PXDNL: variants seen among roughly 807,000 people sequenced by gnomAD.
PXDNL encodes the protein peroxidasin like, also known as probable oxidoreductase PXDNL.
In PXDNL, 145 loss-of-function variants were observed where a neutral mutation model predicts 150.8. The ratio of observed to expected loss-of-function variants is 0.96; its 90% CI spans 0.84 to 1.10. The LOEUF (loss-of-function observed/expected upper bound fraction) is 1.10, where lower values mean the gene tolerates loss of function less well. Among genes scored for constraint, PXDNL ranks in the 50% least tolerant of loss-of-function variants. The probability of loss-of-function intolerance (pLI) is 0.00; values close to 1 mark genes in which losing one functional copy is unlikely to be tolerated. For missense variants in PXDNL, 2,087 were observed against 1,873.9 expected, an observed-to-expected ratio of 1.11 and a Z score of -2.10; for synonymous variants, 757 against 725.7, an observed-to-expected ratio of 1.04 and a Z score of -0.69.
chr8:51,573,199 A>T (rs1321369233), intron 3 of PXDNL, among the ~76,000 whole-genome samples: 1 of 151,988 alleles, frequency 6.6e-6, no homozygotes, highest in Non-Finnish European at 1.5e-5. Flanking sequence ...TCAACTGGGG[A>T]TCCTAGATCC....
At chr8:51,390,720 A>T (rs1043532609) in intron 17 of PXDNL, among the ~76,000 whole-genome samples, 4 of 152,044 alleles carry the variant, frequency 2.6e-5, no homozygotes, top group African/African-American at 9.7e-5. Context: ...ACTAAATGGC[A>T]TAAAGCACAG....
intron 2 of PXDNL, among the ~76,000 whole-genome samples, chr8:51,638,016 T>C (rs1814645778): frequency 6.6e-6 from 1 of 152,210 alleles, no homozygotes; most frequent in Admixed American, 6.5e-5. Flanking sequence ...GCAGAAACTC[T>C]ACAAGCCAGA....
intron 1 of PXDNL, among the ~76,000 whole-genome samples, chr8:51,723,799 G>A (rs559208981): frequency 1.3e-5 from 2 of 152,208 alleles, no homozygotes; most frequent in South Asian, 2.1e-4. Flanking sequence ...GAGGGGGCGC[G>A]GTCAGGCTTG....
intron 19 of PXDNL, among the ~76,000 whole-genome samples, chr8:51,370,799 GT>G (rs1807084520): frequency 1.3e-5 from 2 of 152,236 alleles, no homozygotes; most frequent in African/African-American, 4.8e-5. Flanking sequence ...GTTTCGCCAT[GT>G]TGGCCAGGCT....
At chr8:51,570,178 A>G (rs1812904353) in intron 3 of PXDNL, among the ~76,000 whole-genome samples, 1 of 151,946 alleles carries the variant, frequency 6.6e-6, no homozygotes, top group South Asian at 2.1e-4. Context: ...GAAGAAATCC[A>G]TCATTTTCCC....
At chr8:51,646,520 C>T (rs1335911412) in intron 2 of PXDNL, among the ~76,000 whole-genome samples, 3 of 152,158 alleles carry the variant, frequency 2.0e-5, no homozygotes, top group Non-Finnish European at 4.4e-5. Context: ...AAAACAAGCA[C>T]TGAAGAATAC....
At chr8:51,748,412 C>G (rs1359853428) in intron 1 of PXDNL, among the ~76,000 whole-genome samples, 1 of 152,108 alleles carries the variant, frequency 6.6e-6, no homozygotes, top group Non-Finnish European at 1.5e-5. Flanking sequence ...AGAGGGAGAG[C>G]TGGGATTGCT....
At chr8:51,403,123 A>C (rs145793370) in intron 17 of PXDNL, among the ~76,000 whole-genome samples, 2,041 of 152,036 alleles carry the variant, frequency 0.013, 38 homozygotes, top group African/African-American at 0.046. Flanking sequence ...AAAGAAAAAA[A>C]AAGAAACAGT....
intron 1 of PXDNL, among the ~76,000 whole-genome samples, chr8:51,733,278 G>A (rs182447799): frequency 1.1e-4 from 17 of 152,270 alleles, no homozygotes; most frequent in Non-Finnish European, 1.5e-4. Flanking sequence ...ATTTTCCTCC[G>A]TCTTCCCTCA....
chr8:51,606,992 G>T (rs1813849317), intron 2 of PXDNL, among the ~76,000 whole-genome samples: 1 of 152,030 alleles, frequency 6.6e-6, no homozygotes, highest in Admixed American at 6.5e-5. Flanking sequence ...CTATAACCCA[G>T]GAAGAACTCA....
chr8:51,611,581 G>A (rs1585620278), intron 2 of PXDNL, among the ~76,000 whole-genome samples: 1 of 152,328 alleles, frequency 6.6e-6, no homozygotes, highest in Middle Eastern at 3.4e-3. Flanking sequence ...AATGACAAAT[G>A]TCTTACAAAT....
At chr8:51,347,284 T>C (rs983982337) in intron 19 of PXDNL, among the ~76,000 whole-genome samples, 1 of 152,200 alleles carries the variant, frequency 6.6e-6, no homozygotes, top group Non-Finnish European at 1.5e-5. Context: ...TCAAGAGGAA[T>C]ATTACATGAA....
intron 3 of PXDNL, among the ~76,000 whole-genome samples, chr8:51,569,344 T>G (rs897542794): frequency 1.3e-5 from 2 of 151,968 alleles, no homozygotes; most frequent in African/African-American, 4.8e-5. Context: ...GGTGTTTGCT[T>G]TCCTGCATGC....
chr8:51,746,871 G>A (rs1458025325), intron 1 of PXDNL, among the ~76,000 whole-genome samples: 1 of 151,742 alleles, frequency 6.6e-6, no homozygotes, highest in Non-Finnish European at 1.5e-5. Flanking sequence ...ACAGGTGCAC[G>A]CCACCACACC....
intron 12 of PXDNL, among the ~76,000 whole-genome samples, chr8:51,444,008 A>G (rs1809613850): frequency 6.6e-6 from 1 of 152,178 alleles, no homozygotes; most frequent in African/African-American, 2.4e-5. Flanking sequence ...TTTACTTATC[A>G]TTTAACTTTA....
chr8:51,320,569 G>A (rs532642405), intron 22 of PXDNL, among the ~76,000 whole-genome samples: 3 of 152,284 alleles, frequency 2.0e-5, no homozygotes, highest in East Asian at 3.9e-4. Flanking sequence ...GAAAAAGCTC[G>A]TGGTCTCTAG....
intron 2 of PXDNL, among the ~76,000 whole-genome samples, chr8:51,640,435 G>C (rs1814722834): frequency 6.6e-6 from 1 of 152,186 alleles, no homozygotes; most frequent in African/African-American, 2.4e-5. Context: ...CAGATGACAT[G>C]ATTGTATACC....
chr8:51,678,668 G>A (rs1815679411), intron 1 of PXDNL, among the ~76,000 whole-genome samples: 1 of 150,488 alleles, frequency 6.6e-6, no homozygotes. Context: ...ATTGAACAAT[G>A]AGAACACATG....
At chr8:51,538,066 G>A (rs1812124217) in intron 4 of PXDNL, among the ~76,000 whole-genome samples, 1 of 152,186 alleles carries the variant, frequency 6.6e-6, no homozygotes, top group Admixed American at 6.5e-5. Context: ...GCTATTCCTA[G>A]AGAGGTACTT....
Sources: gnomAD v4.1 joint callset for allele counts (sites outside exome capture counted in the v4.1 genomes callset) on GRCh38, gnomAD v4.1.1 for gene constraint, MANE v1.5 for transcripts, NCBI Gene and HGNC (gene_info 2026-07-23, HGNC 2026-07-21) for gene names.